SNTG1: variants seen among roughly 807,000 people sequenced by gnomAD.
SNTG1 encodes the protein syntrophin gamma 1.
A neutral mutation model predicts 74.7 loss-of-function variants in SNTG1; 39 were observed. The observed-to-expected ratio is 0.52, with a 90% CI of 0.40 to 0.68. SNTG1 has a LOEUF of 0.68. Among genes scored for constraint, SNTG1 ranks in the 30% least tolerant of loss-of-function variants. SNTG1 has a pLI of 0.00. For missense variants in SNTG1, 685 were observed against 609.5 expected (o/e 1.12, Z -1.30); for synonymous variants, 254 against 217.1 (o/e 1.17, Z -1.49).
At chr8:50,135,271 C>T (rs1287308950) in intron 1 of SNTG1, among the ~76,000 whole-genome samples, 2 of 152,120 alleles carry the variant, frequency 1.3e-5, no homozygotes, top group East Asian at 3.9e-4. Context: ...ATACTTGAAT[C>T]GGACTCTAAA....
At chr8:50,200,671 G>A (rs1156478629) in intron 2 of SNTG1, among the ~76,000 whole-genome samples, 2 of 152,072 alleles carry the variant, frequency 1.3e-5, no homozygotes, top group Non-Finnish European at 2.9e-5. Flanking sequence ...AAGCATTTGA[G>A]CAAGGATACC....
intron 1 of SNTG1, among the ~76,000 whole-genome samples, chr8:49,935,656 C>G (rs1379672484): frequency 6.6e-6 from 1 of 152,120 alleles, no homozygotes; most frequent in Non-Finnish European, 1.5e-5. Flanking sequence ...TTGTAGAACC[C>G]AACTGATGTA....
At chr8:50,146,415 G>A (rs753576604) in intron 1 of SNTG1, among the ~76,000 whole-genome samples, 3 of 152,182 alleles carry the variant, frequency 2.0e-5, no homozygotes, top group African/African-American at 7.2e-5. Context: ...CTACTTGGGA[G>A]GCTGAGACAG....
chr8:50,028,605 G>T (rs1271141459), intron 1 of SNTG1, among the ~76,000 whole-genome samples: 1 of 151,524 alleles, frequency 6.6e-6, no homozygotes, highest in African/African-American at 2.4e-5. Context: ...TTTTGGGAGG[G>T]GGGAGGGATA....
At chr8:50,146,432 C>T (rs1204795549) in intron 1 of SNTG1, among the ~76,000 whole-genome samples, 3 of 152,016 alleles carry the variant, frequency 2.0e-5, no homozygotes, top group African/African-American at 7.2e-5. Context: ...ACAGGAGAAT[C>T]GCTGGTACCT....
chr8:50,516,866 A>G (rs1365373274), intron 9 of SNTG1, among the ~76,000 whole-genome samples: 2 of 152,174 alleles, frequency 1.3e-5, no homozygotes, highest in African/African-American at 4.8e-5. Context: ...GTTGGAAATC[A>G]CTCTTCAAGA....
chr8:50,602,916 T>TC (rs2094785638), intron 13 of SNTG1, among the ~76,000 whole-genome samples: 8 of 150,346 alleles, frequency 5.3e-5, no homozygotes, highest in Admixed American at 5.3e-4. Flanking sequence ...TTTTTTTTTT[T>TC]CAGTTCTCTT....
chr8:50,456,291 G>A (rs2093504568), intron 8 of SNTG1, among the ~76,000 whole-genome samples: 1 of 152,082 alleles, frequency 6.6e-6, no homozygotes, highest in East Asian at 1.9e-4. Context: ...GAACAACTTA[G>A]AGAACTGAAA....
chr8:50,463,964 T>C lies in SNTG1; in HGVS notation c.363+13235T>C, dbSNP rs1385395583. On this transcript the variant is annotated intron_variant, in intron 8 of 18. Coordinates refer to ENST00000642720, the MANE Select transcript of SNTG1 (RefSeq NM_018967.5). ...TTCCTGCAACTTCTCTATCAGCACTTACTGCTTCACCTCGCATTTTTATGT... is the reference window on the plus strand; with the variant it reads ...TTCCTGCAACTTCTCTATCAGCACTCACTGCTTCACCTCGCATTTTTATGT... Among the ~76,000 whole-genome samples the C allele has an allele frequency of 4.6e-5, 7 of 152,232 alleles. No individual in the cohort carries two copies. In the East Asian group the frequency reaches 7.7e-4, roughly 17 times the overall value.
intron 18 of SNTG1, among the ~76,000 whole-genome samples, chr8:50,766,402 T>C (rs948486060): frequency 3.3e-5 from 5 of 152,014 alleles, no homozygotes; most frequent in Non-Finnish European, 5.9e-5. Flanking sequence ...TACTGCTGAT[T>C]TGGGAATAAT....
intron 10 of SNTG1, among the ~76,000 whole-genome samples, chr8:50,532,601 G>A (rs115902374): frequency 2.0e-5 from 3 of 152,330 alleles, no homozygotes; most frequent in Non-Finnish European, 2.9e-5. Context: ...TAATCAGACC[G>A]TGCAGGCTTG....
At chr8:50,599,314 C>A (rs920191424) in intron 13 of SNTG1, among the ~76,000 whole-genome samples, 3 of 151,854 alleles carry the variant, frequency 2.0e-5, no homozygotes, top group Non-Finnish European at 1.5e-5. Context: ...TAGTTTTCTT[C>A]TTTTTGCTCA....
intron 2 of SNTG1, among the ~76,000 whole-genome samples, chr8:50,216,053 C>T (rs997374588): frequency 6.6e-6 from 1 of 152,116 alleles, no homozygotes; most frequent in Non-Finnish European, 1.5e-5. Flanking sequence ...TGGGTCTTCC[C>T]TCCTGAAAAA....
intron 1 of SNTG1, among the ~76,000 whole-genome samples, chr8:50,045,622 AATCAGAGATAAT>A (rs1476617938): frequency 6.6e-6 from 1 of 152,154 alleles, no homozygotes; most frequent in Admixed American, 6.5e-5. Context: ...TTCATTTCTA[AATCAGAGATAAT>A]AAAAACTATC....
intron 1 of SNTG1, among the ~76,000 whole-genome samples, chr8:50,077,832 A>G (rs76959577): frequency 0.022 from 3,418 of 152,194 alleles, 114 homozygotes; most frequent in African/African-American, 0.067. Context: ...ACATGTATGC[A>G]TGTGTGTCTG....
chr8:50,180,919 C>G (rs2083183855), intron 2 of SNTG1, among the ~76,000 whole-genome samples: 1 of 152,002 alleles, frequency 6.6e-6, no homozygotes, highest in Non-Finnish European at 1.5e-5. Flanking sequence ...CGCCACCATG[C>G]CTGGCTAAAT....
intron 9 of SNTG1, among the ~76,000 whole-genome samples, chr8:50,523,918 C>A (rs1045819422): frequency 2.0e-5 from 3 of 152,048 alleles, no homozygotes; most frequent in Admixed American, 1.3e-4. Flanking sequence ...GTTTTAAAAT[C>A]CACTTAACCA....
chr8:50,138,994 G>A (rs979822453), intron 1 of SNTG1, among the ~76,000 whole-genome samples: 2 of 152,012 alleles, frequency 1.3e-5, no homozygotes, highest in African/African-American at 4.8e-5. Flanking sequence ...AAAACAGTGG[G>A]AAATAAAAGC....
intron 17 of SNTG1, among the ~76,000 whole-genome samples, chr8:50,749,654 T>C (rs995791104): frequency 5.9e-5 from 9 of 151,968 alleles, no homozygotes; most frequent in African/African-American, 2.2e-4. Flanking sequence ...ATTCTAAACA[T>C]CCTAGGACCC....
Sources: gnomAD v4.1 joint callset for allele counts (sites outside exome capture counted in the v4.1 genomes callset) on GRCh38, gnomAD v4.1.1 for gene constraint, MANE v1.5 for transcripts, NCBI Gene and HGNC (gene_info 2026-07-23, HGNC 2026-07-21) for gene names.